DDX10: variants seen among roughly 807,000 people sequenced by gnomAD.
DDX10 encodes the protein probable ATP-dependent RNA helicase DDX10.
In DDX10, 74 loss-of-function variants were observed where a neutral mutation model predicts 104.3. The ratio of observed to expected loss-of-function variants is 0.71; its 90% confidence interval spans 0.59 to 0.86. The LOEUF is 0.86. Ranked by LOEUF, DDX10 falls within the 40% of genes least tolerant of loss-of-function variation. The pLI is 0.00. For synonymous variants in DDX10, 351 were observed against 353.4 expected (o/e 0.99, Z 0.08); for missense variants, 952 against 1,040.0 (o/e 0.92, Z 1.16).
At chr11:108,693,733 A>G in intron 9 of DDX10, 133 bp downstream of exon 9, 1 of 706,048 alleles carries the variant, frequency 1.4e-6, no homozygotes, top group South Asian at 1.6e-5. Context: ...GTGAGTTGAC[A>G]GCTACTGTAA....
At chr11:108,701,381 G>A (rs1298540872) in intron 9 of DDX10, among the ~76,000 whole-genome samples, 2 of 152,072 alleles carry the variant, frequency 1.3e-5, no homozygotes, top group African/African-American at 4.8e-5. Flanking sequence ...GAGATACAGG[G>A]CGGGAAAAAG....
intron 6 of DDX10, among the ~76,000 whole-genome samples, chr11:108,688,296 A>C (rs917755289): frequency 5.3e-5 from 8 of 152,200 alleles, no homozygotes; most frequent in African/African-American, 1.7e-4. Context: ...ATGAAATTTC[A>C]AACATATGGT....
chr11:108,774,040 A>T (rs2094366691), intron 13 of DDX10, among the ~76,000 whole-genome samples: 1 of 152,258 alleles, frequency 6.6e-6, no homozygotes, highest in Non-Finnish European at 1.5e-5. Context: ...AAGTGCTCTT[A>T]TGACAAACTT....
intron 13 of DDX10, among the ~76,000 whole-genome samples, chr11:108,792,580 A>T (rs1221437345): frequency 6.6e-6 from 1 of 152,142 alleles, no homozygotes; most frequent in Non-Finnish European, 1.5e-5. Context: ...ATATGAATAC[A>T]TTTCTCTTTC....
intron 16 of DDX10, among the ~76,000 whole-genome samples, chr11:108,896,892 T>C (rs1341448709): frequency 1.5e-4 from 22 of 150,344 alleles, no homozygotes; most frequent in Non-Finnish European, 2.2e-4. Flanking sequence ...TGTAGAGAAA[T>C]AGGATCCAAA....
Position 108,693,708 on chromosome 11 carries a change from T to G in DDX10, c.1223+108T>G, listed in dbSNP as rs896665269. The G allele has an allele frequency of 3.1e-5, 27 of 884,922 alleles. 1 individual carries two copies. The highest frequency in any genetic ancestry group is 4.9e-5 in the Non-Finnish European group (26 of 534,042). The allele number at this position is 884,922 out of a possible 1,614,324, so 54.8% of individuals were successfully genotyped here. The stretch of plus-strand genomic sequence containing the variant: ...AGGAATCAGGTAAGTGAGTGCTGGT[T>G]TGGCATTTTGTGGTGTGAGTTGACA... On this transcript the variant is annotated intron_variant, in intron 9 of 17. Transcript: ENST00000322536.
At chr11:108,722,220 A>G (rs931814078) in intron 12 of DDX10, among the ~76,000 whole-genome samples, 3 of 152,192 alleles carry the variant, frequency 2.0e-5, no homozygotes, top group Non-Finnish European at 2.9e-5. Flanking sequence ...TCTTTGAACC[A>G]TGTCAGATAG....
intron 15 of DDX10, among the ~76,000 whole-genome samples, chr11:108,847,973 T>A (rs1421368344): frequency 3.3e-5 from 5 of 152,178 alleles, no homozygotes; most frequent in Admixed American, 1.3e-4. Context: ...TTTTAACTAT[T>A]CAGCTGTGTT....
chr11:108,771,268 G>C (rs942769016), intron 13 of DDX10, among the ~76,000 whole-genome samples: 1 of 151,906 alleles, frequency 6.6e-6, no homozygotes, highest in African/African-American at 2.4e-5. Flanking sequence ...TTGTCAGATG[G>C]GTAGTTTGCC....
intron 6 of DDX10, among the ~76,000 whole-genome samples, chr11:108,686,839 C>T (rs1393487223): frequency 6.6e-6 from 1 of 152,078 alleles, no homozygotes; most frequent in East Asian, 1.9e-4. Flanking sequence ...GGCTGGAGTG[C>T]AGTGGCATAA....
At chr11:108,795,841 C>T (rs1030014222) in intron 13 of DDX10, among the ~76,000 whole-genome samples, 2 of 152,144 alleles carry the variant, frequency 1.3e-5, no homozygotes, top group African/African-American at 4.8e-5. Flanking sequence ...GATTTATAAT[C>T]CTTTGGGTAT....
At chr11:108,931,186 CATGGTAAAG>C (rs750865813) in intron 17 of DDX10, among the ~76,000 whole-genome samples, 24 of 152,198 alleles carry the variant, frequency 1.6e-4, no homozygotes, top group Non-Finnish European at 3.4e-4. Context: ...TTTCACCTTA[CATGGTAAAG>C]ACCAATATAA....
At chr11:108,669,334 C>T (rs191579493) in intron 1 of DDX10, among the ~76,000 whole-genome samples, 66 of 152,152 alleles carry the variant, frequency 4.3e-4, no homozygotes, top group Admixed American at 1.2e-3. Context: ...TGTGCTCAAG[C>T]GAACTGCCCA....
At chr11:108,688,046 A>C (rs1288110788) in intron 6 of DDX10, among the ~76,000 whole-genome samples, 1 of 152,198 alleles carries the variant, frequency 6.6e-6, no homozygotes, top group Non-Finnish European at 1.5e-5. Flanking sequence ...TATGGATAGA[A>C]TCTTCATTCC....
At chr11:108,787,982 C>T (rs1169061363) in intron 13 of DDX10, among the ~76,000 whole-genome samples, 1 of 152,194 alleles carries the variant, frequency 6.6e-6, no homozygotes, top group Non-Finnish European at 1.5e-5. Context: ...AAATTTTTCC[C>T]TTCCAGAAGC....
intron 16 of DDX10, among the ~76,000 whole-genome samples, chr11:108,916,297 TG>T (rs1398061216): frequency 6.6e-6 from 1 of 152,200 alleles, no homozygotes; most frequent in African/African-American, 2.4e-5. Flanking sequence ...ATCCAATTTT[TG>T]TTGGTGTCTT....
chr11:108,809,201 T>A (rs1371619069), intron 13 of DDX10, among the ~76,000 whole-genome samples: 1 of 152,194 alleles, frequency 6.6e-6, no homozygotes, highest in Non-Finnish European at 1.5e-5. Context: ...TAGGCCACTG[T>A]ACTGACTCAG....
chr11:108,675,820 T>C, intron 3 of DDX10, 94 bp downstream of exon 3: 1 of 1,460,152 alleles, frequency 6.8e-7, no homozygotes, highest in Non-Finnish European at 9.4e-7. Context: ...GTTTTCATGT[T>C]AGATTTCATG....
intron 6 of DDX10, 145 bp from the exon 7 acceptor site, chr11:108,688,791 A>G: frequency 1.4e-6 from 1 of 724,046 alleles, no homozygotes; most frequent in Admixed American, 2.9e-5. Flanking sequence ...AAGGGACAAT[A>G]GAGAAAAATT....
Sources: gnomAD v4.1 joint callset for allele counts (sites outside exome capture counted in the v4.1 genomes callset) on GRCh38, gnomAD v4.1.1 for gene constraint, MANE v1.5 for transcripts, NCBI Gene and HGNC (gene_info 2026-07-23, HGNC 2026-07-21) for gene names.